NTM: variants seen among roughly 807,000 people sequenced by gnomAD.
The protein encoded by NTM is neurotrimin.
A neutral mutation model predicts 42.1 loss-of-function variants in NTM; 13 were observed. That is an observed-to-expected ratio of 0.31 (90% CI 0.20 to 0.49). The LOEUF (loss-of-function observed/expected upper bound fraction) is 0.49, where lower values mean the gene tolerates loss of function less well. Among genes scored for constraint, NTM ranks in the 20% least tolerant of loss-of-function variants. The pLI is 0.99. For missense variants in NTM, 373 were observed against 452.8 expected, an observed-to-expected ratio of 0.82 and a Z score of 1.60; for synonymous variants, 187 against 179.2, an observed-to-expected ratio of 1.04 and a Z score of -0.35.
At chr11:132,015,376 C>A (rs550822066) in intron 2 of NTM, among the ~76,000 whole-genome samples, 1 of 151,780 alleles carries the variant, frequency 6.6e-6, no homozygotes, top group African/African-American at 2.4e-5. Context: ...TATTCAATAT[C>A]TTTTTTAAAG....
At chr11:132,071,216 A>G (rs1246763305) in intron 2 of NTM, among the ~76,000 whole-genome samples, 3 of 139,884 alleles carry the variant, frequency 2.1e-5, no homozygotes, top group African/African-American at 8.0e-5. Context: ...CGTCACACTG[A>G]CCATCACAGG....
intron 3 of NTM, among the ~76,000 whole-genome samples, chr11:132,202,533 C>A (rs1450965126): frequency 6.6e-6 from 1 of 152,164 alleles, no homozygotes; most frequent in Non-Finnish European, 1.5e-5. Flanking sequence ...ATCACTGATA[C>A]ACCCCTTATG....
At chr11:131,886,771 T>C (rs1308045135) in intron 1 of NTM, among the ~76,000 whole-genome samples, 1 of 152,184 alleles carries the variant, frequency 6.6e-6, no homozygotes, top group Non-Finnish European at 1.5e-5. Context: ...GCTAACGATG[T>C]TTCTGTGCTT....
intron 2 of NTM, among the ~76,000 whole-genome samples, chr11:132,072,195 C>G (rs1230374506): frequency 6.6e-6 from 1 of 152,180 alleles, no homozygotes; most frequent in African/African-American, 2.4e-5. Context: ...ACACAGATGG[C>G]TGCAAACCCC....
At chr11:132,212,243 G>A in intron 4 of NTM, 96 bp downstream of exon 4, 1 of 980,038 alleles carries the variant, frequency 1.0e-6, no homozygotes, top group Non-Finnish European at 1.5e-6. Context: ...TACTCCAGAG[G>A]AGTCTACGTT....
chr11:131,851,844 A>T (rs1166681057), intron 1 of NTM, among the ~76,000 whole-genome samples: 1 of 152,176 alleles, frequency 6.6e-6, no homozygotes, highest in Non-Finnish European at 1.5e-5. Context: ...AGGCAGAGAA[A>T]ATGACACAAG....
At chr11:131,572,507 C>G (rs2057538481) in intron 1 of NTM, among the ~76,000 whole-genome samples, 1 of 152,186 alleles carries the variant, frequency 6.6e-6, no homozygotes, top group Non-Finnish European at 1.5e-5. Context: ...CTTTACCTGG[C>G]TATGCCTTTT....
chr11:131,681,680 A>T (rs1161174004), intron 1 of NTM, among the ~76,000 whole-genome samples: 2 of 55,526 alleles, frequency 3.6e-5, no homozygotes, highest in African/African-American at 9.2e-5. Context: ...TGTGTGTGTG[A>T]GCGTGTGTGT....
At chr11:131,641,349 A>G (rs75931432) in intron 1 of NTM, among the ~76,000 whole-genome samples, 7,217 of 152,260 alleles carry the variant, frequency 0.047, 326 homozygotes, top group African/African-American at 0.11. Flanking sequence ...GAGGGGAGTT[A>G]GACTACATTG....
chr11:131,758,650 T>C (rs774972290), intron 1 of NTM, among the ~76,000 whole-genome samples: 8 of 152,010 alleles, frequency 5.3e-5, no homozygotes, highest in Admixed American at 2.0e-4. Flanking sequence ...TAGAGTGCAG[T>C]GGTGCAATCT....
intron 1 of NTM, among the ~76,000 whole-genome samples, chr11:131,471,730 G>C (rs890708457): frequency 1.3e-5 from 2 of 152,150 alleles, no homozygotes; most frequent in Non-Finnish European, 2.9e-5. Flanking sequence ...GCTTACTCCA[G>C]GGTCTCCAGC....
At chr11:131,464,525 C>G (rs74447061) in intron 1 of NTM, among the ~76,000 whole-genome samples, 1 of 152,124 alleles carries the variant, frequency 6.6e-6, no homozygotes. Context: ...TCTCTGTTTC[C>G]TTCTCTCTTC....
chr11:131,866,788 T>TA (rs528692700), intron 1 of NTM, among the ~76,000 whole-genome samples: 87 of 152,140 alleles, frequency 5.7e-4, no homozygotes, highest in African/African-American at 1.6e-3. Flanking sequence ...GCATTTTTCT[T>TA]AAAAAAAAGT....
intron 1 of NTM, among the ~76,000 whole-genome samples, chr11:131,893,846 C>T (rs1163043954): frequency 6.6e-6 from 1 of 152,098 alleles, no homozygotes; most frequent in African/African-American, 2.4e-5. Context: ...AGGTGGCCAC[C>T]TTTCTTCATC....
In NTM at chr11:131,795,743, G is replaced by C. The variant is rs552658710; in HGVS notation, c.83-115821G>C. ...TTGCCTGAGGTGGTGACAGTGTAGT[G>C]GTTCAGGTCATGATACTGCCTTGTG... On this transcript the variant is annotated intron_variant, in intron 1 of 8. Coordinates refer to ENST00000683400, the MANE Select transcript of NTM (RefSeq NM_001352005.2). 386 of 985,364 alleles carry C rather than the reference G, an allele frequency of 3.9e-4. 8 individuals carry two copies. In the South Asian group the frequency reaches 0.016, roughly 42 times the overall value. The allele number at this position is 985,364 out of a possible 1,614,324, so 61.0% of individuals were successfully genotyped here. A position where few individuals can be genotyped will look rare whatever the true frequency, so the allele number is the denominator to read the frequency against.
At chr11:131,437,312 G>A (rs1231326229) in intron 1 of NTM, among the ~76,000 whole-genome samples, 2 of 152,206 alleles carry the variant, frequency 1.3e-5, no homozygotes, top group East Asian at 1.9e-4. Context: ...ACTTGGTGCA[G>A]AACTGAGTTC....
chr11:131,796,561 C>T (rs938222606), intron 1 of NTM, among the ~76,000 whole-genome samples: 2 of 152,184 alleles, frequency 1.3e-5, no homozygotes, highest in Non-Finnish European at 2.9e-5. Context: ...TTCTTAGTGA[C>T]CCCTTCTGAG....
At chr11:132,148,379 C>A (rs758700881) in intron 3 of NTM, among the ~76,000 whole-genome samples, 10 of 152,056 alleles carry the variant, frequency 6.6e-5, no homozygotes, top group Middle Eastern at 3.2e-3. Flanking sequence ...CTGGTGAATG[C>A]CCTGGTGCCA....
intron 4 of NTM, among the ~76,000 whole-genome samples, chr11:132,274,254 T>C (rs555462406): frequency 3.0e-4 from 46 of 152,244 alleles, no homozygotes; most frequent in African/African-American, 1.1e-3. Flanking sequence ...CTGCCTGGTT[T>C]AGGCTTAGTT....
Sources: allele counts gnomAD v4.1 joint callset (sites outside exome capture counted in the v4.1 genomes callset), GRCh38; gene constraint gnomAD v4.1.1; transcripts MANE v1.5; gene names NCBI Gene and HGNC (gene_info 2026-07-23, HGNC 2026-07-21).